The following MID1 variants were observed in gnomAD, a reference collection of about 807,000 sequenced individuals.
The protein encoded by MID1 is midline 1, also known as E3 ubiquitin-protein ligase Midline-1.
In MID1, 7 loss-of-function variants were observed where a neutral mutation model predicts 40.4. The observed-to-expected ratio is 0.17, with a 90% CI of 0.10 to 0.33. The LOEUF (loss-of-function observed/expected upper bound fraction) is 0.33. MID1 is among the 10% of genes least tolerant of loss of function. The pLI, the probability that MID1 is intolerant of heterozygous loss-of-function variation, is 1.00. For synonymous variants in MID1, 229 were observed against 221.2 expected (o/e 1.04, Z -0.31); for missense variants, 367 against 558.5 (o/e 0.66, Z 3.46).
intron 1 of MID1, among the ~76,000 whole-genome samples, chrX:10,803,420 T>C (rs1216204445): frequency 9.5e-6 from 1 of 105,020 alleles, no homozygotes; most frequent in Non-Finnish European, 2.0e-5. Context: ...AGGCCTGATC[T>C]CAGCTCACTG....
At chrX:10,480,534 C>T (rs1330573052) in intron 5 of MID1, among the ~76,000 whole-genome samples, 1 of 112,187 alleles carries the variant, frequency 8.9e-6, no homozygotes, top group African/African-American at 3.2e-5. Context: ...AAACCGTGAC[C>T]TAAGTGTAAA....
At chrX:10,533,327 G>GGAAT (rs1933058150) in intron 2 of MID1, among the ~76,000 whole-genome samples, 1 of 47,799 alleles carries the variant, frequency 2.1e-5, no homozygotes, top group African/African-American at 8.6e-5. Context: ...AAGAAAGAAA[G>GGAAT]GAAAGAAAGA....
intron 1 of MID1, among the ~76,000 whole-genome samples, chrX:10,584,160 G>C (rs1205229257): frequency 9.0e-6 from 1 of 111,629 alleles, no homozygotes; most frequent in African/African-American, 3.3e-5. Flanking sequence ...GAGCAGGAGA[G>C]GAAGAACCCA....
chrX:10,696,355 G>C (rs1240098552), intron 1 of MID1, among the ~76,000 whole-genome samples: 1 of 112,045 alleles, frequency 8.9e-6, no homozygotes, highest in African/African-American at 3.2e-5. Flanking sequence ...AGAAGCAGGG[G>C]AGAAGAGATG....
chrX:10,763,771 C>T (rs1380334815), intron 1 of MID1, among the ~76,000 whole-genome samples: 4 of 111,897 alleles, frequency 3.6e-5, no homozygotes, highest in African/African-American at 1.3e-4. Context: ...AACTAGTTGA[C>T]AGTCCCACCA....
At chrX:10,735,047 C>T (rs1218408417) in intron 1 of MID1, among the ~76,000 whole-genome samples, 2 of 112,144 alleles carry the variant, frequency 1.8e-5, no homozygotes, top group Non-Finnish European at 3.8e-5. Flanking sequence ...GACTTCCCTT[C>T]GGTATCTCTT....
intron 1 of MID1, among the ~76,000 whole-genome samples, chrX:10,600,778 G>A (rs1935504677): frequency 8.9e-6 from 1 of 111,973 alleles, no homozygotes; most frequent in African/African-American, 3.2e-5. Flanking sequence ...AATAACAAAG[G>A]ATGCACTCAT....
At chrX:10,581,738 C>A (rs1935024633) in intron 1 of MID1, among the ~76,000 whole-genome samples, 1 of 112,096 alleles carries the variant, frequency 8.9e-6, no homozygotes, top group South Asian at 3.7e-4. Flanking sequence ...AATGAACTAG[C>A]ATTTTTATTC....
chrX:10,474,814 A>G (rs1304946311), intron 5 of MID1, 64 bp from the exon 6 acceptor site: 1 of 1,110,607 alleles, frequency 9.0e-7, no homozygotes, highest in Non-Finnish European at 1.2e-6. Context: ...ACTGCATAGA[A>G]ATGAAAAAGA....
At chrX:10,526,690 C>T (rs1932840092) in intron 2 of MID1, among the ~76,000 whole-genome samples, 1 of 111,806 alleles carries the variant, frequency 8.9e-6, no homozygotes, top group Admixed American at 9.5e-5. Flanking sequence ...ATACATCATG[C>T]ATCAAATCTG....
chrX:10,644,643 T>C (rs1229175915), intron 1 of MID1, among the ~76,000 whole-genome samples: 2 of 111,322 alleles, frequency 1.8e-5, no homozygotes, highest in East Asian at 5.6e-4. Flanking sequence ...TGAAGTTCCA[T>C]TGTGAATTCT....
intron 1 of MID1, among the ~76,000 whole-genome samples, chrX:10,701,952 T>C (rs764010540): frequency 8.9e-6 from 1 of 112,956 alleles, no homozygotes; most frequent in African/African-American, 3.2e-5. Flanking sequence ...CTGCCAGAAG[T>C]ACATAGTTGC....
intron 1 of MID1, among the ~76,000 whole-genome samples, chrX:10,658,161 T>A (rs1351629405): frequency 9.1e-6 from 1 of 110,442 alleles, no homozygotes; most frequent in East Asian, 2.8e-4. Context: ...CTTAAAAAAT[T>A]GGGAATTTTG....
At chrX:10,483,351 G>A (rs1475160992) in intron 4 of MID1, among the ~76,000 whole-genome samples, 1 of 111,947 alleles carries the variant, frequency 8.9e-6, no homozygotes, top group Non-Finnish European at 1.9e-5. Context: ...AAAAACGCAT[G>A]ATTGCTTCAC....
At chrX:10,451,667 T>G (rs903662998) in intron 9 of MID1, among the ~76,000 whole-genome samples, 2 of 111,688 alleles carry the variant, frequency 1.8e-5, no homozygotes, top group Non-Finnish European at 3.8e-5. Flanking sequence ...CCTTTCAGTG[T>G]TGTTCTCGTG....
intron 1 of MID1, among the ~76,000 whole-genome samples, chrX:10,772,700 G>A (rs767123080): frequency 6.9e-4 from 76 of 110,561 alleles, no homozygotes; most frequent in African/African-American, 2.4e-3. Context: ...TAACAATTGA[G>A]TTAAAATTTA....
At chrX:10,777,255 G>A (rs1356388883) in intron 1 of MID1, among the ~76,000 whole-genome samples, 1 of 64,350 alleles carries the variant, frequency 1.6e-5, no homozygotes, top group East Asian at 5.3e-4. Flanking sequence ...CTGGAGTGCA[G>A]TGGCACTATT....
intron 1 of MID1, among the ~76,000 whole-genome samples, chrX:10,584,044 G>A (rs1245722029): frequency 1.9e-5 from 2 of 107,618 alleles, no homozygotes; most frequent in Non-Finnish European, 3.8e-5. Flanking sequence ...AAAAAAAAAA[G>A]AAGAACAGAG....
At chrX:10,829,652 T>C (rs988206487) in intron 1 of MID1, among the ~76,000 whole-genome samples, 4 of 112,112 alleles carry the variant, frequency 3.6e-5, no homozygotes, top group Non-Finnish European at 7.5e-5. Context: ...AATGTACTTT[T>C]ACATTTAACT....
Sources: gnomAD v4.1 joint callset for allele counts (sites outside exome capture counted in the v4.1 genomes callset) on GRCh38, gnomAD v4.1.1 for gene constraint, MANE v1.5 for transcripts, NCBI Gene and HGNC (gene_info 2026-07-23, HGNC 2026-07-21) for gene names.